The following MAPKBP1 variants were observed in gnomAD, a reference collection of about 807,000 sequenced individuals.
MAPKBP1 encodes the protein mitogen-activated protein kinase binding protein 1, also known as mitogen-activated protein kinase-binding protein 1.
A neutral mutation model predicts 170.5 loss-of-function variants in MAPKBP1; 71 were observed. The ratio of observed to expected loss-of-function variants is 0.42; its 90% confidence interval spans 0.34 to 0.51. The LOEUF (loss-of-function observed/expected upper bound fraction) is 0.51, where lower values mean the gene tolerates loss of function less well. Among genes scored for constraint, MAPKBP1 ranks in the 20% least tolerant of loss-of-function variants. The probability of loss-of-function intolerance (pLI) is 0.06; values close to 1 mark genes in which losing one functional copy is unlikely to be tolerated. For synonymous variants in MAPKBP1, 719 were observed against 757.9 expected, an observed-to-expected ratio of 0.95 and a Z score of 0.84; for missense variants, 1,598 against 1,933.0, an observed-to-expected ratio of 0.83 and a Z score of 3.25.
At chr15:41,821,355 G>A in intron 23 of MAPKBP1, 1 of 610,438 alleles carries the variant, frequency 1.6e-6, no homozygotes, top group Non-Finnish European at 2.9e-6. Context: ...GCAGCCCAGA[G>A]TGCTAATATA....
chr15:41,783,513 T>A (rs778595008), intron 2 of MAPKBP1, among the ~76,000 whole-genome samples: 1 of 152,228 alleles, frequency 6.6e-6, no homozygotes, highest in Non-Finnish European at 1.5e-5. Context: ...GTACCTTGTC[T>A]TGCCTAATCT....
At chr15:41,824,389 T>G (rs1395918096) in intron 29 of MAPKBP1, 95 bp from the exon 30 acceptor site, 66 of 1,190,956 alleles carry the variant, frequency 5.5e-5, no homozygotes, top group Non-Finnish European at 7.4e-5. Flanking sequence ...GGTGCAATGC[T>G]GAGGGCTAGG....
At chr15:41,821,792 C>T in intron 24 of MAPKBP1, 42 bp downstream of exon 24, 1 of 1,611,428 alleles carries the variant, frequency 6.2e-7, no homozygotes, top group Non-Finnish European at 8.5e-7. Context: ...CCCCGTCTTC[C>T]CCTCCCTATG....
chr15:41,822,493 G>A (rs927921239), intron 26 of MAPKBP1, 71 bp downstream of exon 26: 1 of 1,601,048 alleles, frequency 6.2e-7, no homozygotes, highest in Non-Finnish European at 8.5e-7. Flanking sequence ...CTGAGAGGAG[G>A]GTCCCAGGGT....
In MAPKBP1 at chr15:41,821,945, C is replaced by A; in HGVS notation, c.2886-20C>A. 6.2e-7 allele frequency: 1 copy of A among 1,607,466 alleles called. No individual in the cohort carries two copies. The highest frequency in any genetic ancestry group is 1.1e-5 in the South Asian group (1 of 90,054). The stretch of plus-strand genomic sequence containing the variant: ...ACCCCTGCTCACTGCCTTTTCTTCT[C>A]CCTGCTGGAATCCTGACAGTGAGTT... On this transcript the variant is annotated intron_variant, in intron 24 of 30. Coordinates refer to ENST00000457542, the MANE Select transcript of MAPKBP1 (RefSeq NM_014994.3).
At chr15:41,821,878 C>A in intron 24 of MAPKBP1, 87 bp from the exon 25 acceptor site, 1 of 1,571,770 alleles carries the variant, frequency 6.4e-7, no homozygotes. Context: ...TGCCTCATCC[C>A]TCACCCTGAT....
At chr15:41,809,430 C>G (rs1250071619) in intron 3 of MAPKBP1, among the ~76,000 whole-genome samples, 1 of 152,156 alleles carries the variant, frequency 6.6e-6, no homozygotes, top group Admixed American at 6.5e-5. Flanking sequence ...TTTATTGAGC[C>G]CAAGATGCTT....
At chr15:41,801,954 G>GT (rs2064602414) in intron 3 of MAPKBP1, among the ~76,000 whole-genome samples, 2 of 152,290 alleles carry the variant, frequency 1.3e-5, no homozygotes, top group South Asian at 2.1e-4. Context: ...TCATTTGGCA[G>GT]TTTCGTTGTT....
At chr15:41,794,032 C>T (rs1349360387) in intron 2 of MAPKBP1, among the ~76,000 whole-genome samples, 3 of 152,200 alleles carry the variant, frequency 2.0e-5, no homozygotes, top group Non-Finnish European at 2.9e-5. Flanking sequence ...GAGTTTAAGA[C>T]CAGCCTGGGC....
chr15:41,781,736 T>G (rs1475193007), intron 2 of MAPKBP1, among the ~76,000 whole-genome samples: 2 of 152,138 alleles, frequency 1.3e-5, no homozygotes, highest in African/African-American at 4.8e-5. Context: ...ACCATATGGC[T>G]GATTTTTTTT....
In MAPKBP1 at chr15:41,800,742, G is replaced by A. The variant is rs76892376; in HGVS notation, c.206+828G>A. Among the ~76,000 whole-genome samples, 1,071 of 150,872 alleles carry A rather than the reference G, an allele frequency of 7.1e-3. 13 individuals carry two copies. The highest frequency in any genetic ancestry group is 0.025 in the African/African-American group (1,036 of 41,022). On this transcript the variant is annotated intron_variant, in intron 3 of 30. Transcript: ENST00000457542. ...CCTATTCTGGATATTTCATATAAAC[G>A]GAATCAGGTAACACTGTATTTGGCC... is the stretch of plus-strand genomic sequence containing the variant.
intron 2 of MAPKBP1, among the ~76,000 whole-genome samples, chr15:41,793,460 G>A (rs1395775227): frequency 6.6e-6 from 1 of 152,168 alleles, no homozygotes; most frequent in African/African-American, 2.4e-5. Flanking sequence ...GTAACACAGT[G>A]AGACTCCGTC....
At position 41,823,525 on chromosome 15, in the gene MAPKBP1, G is replaced by A. The variant is rs2065037574; in HGVS notation, c.3677G>A (p.Gly1226Asp). 6.2e-7 allele frequency: 1 copy of A among 1,613,988 alleles called. No individual in the cohort carries two copies. Among genetic ancestry groups the A allele is most frequent in the Non-Finnish European group, 8.5e-7 (1 of 1,180,024 alleles). The change falls in exon 29 of 31, where the codon GGC becomes GAC. Residue 1226 changes from glycine to aspartate, a missense_variant. Transcript: ENST00000457542. ...GAGATCGAAGCTCAGGATGGTCTGG[G>A]CTCCCTGCCCCCAGCTGATGGCCGT... Reference protein sequence around the residue: ...SREIEAQDGLGSLPPADGRPS... With the variant: ...SREIEAQDGLDSLPPADGRPS...
chr15:41,821,692 C>G lies in MAPKBP1; in HGVS notation c.2827C>G (p.Pro943Ala). Residue 943 changes from proline to alanine, a missense_variant, in exon 24 of 31, where the codon CCC becomes GCC. By Grantham distance (27) the Pro-to-Ala change is conservative. Transcript: ENST00000457542. Reference protein sequence around the residue: ...GVFAQDLEPAPIEDGIVYPEP... With the variant: ...GVFAQDLEPAAIEDGIVYPEP... ...CTTTGCCCAAGATCTGGAACCTGCA[C>G]CCATTGAAGATGGTATTGTCTACCC... 3 of 1,614,180 alleles carry G rather than the reference C, an allele frequency of 1.9e-6. No individual in the cohort carries two copies. The highest frequency in any genetic ancestry group is 2.5e-6 in the Non-Finnish European group (3 of 1,180,022).
In MAPKBP1 at chr15:41,818,803, A is replaced by C. The variant is rs947225397; in HGVS notation, c.2157-20A>C. The C allele has an allele frequency of 8.1e-6, 13 of 1,611,754 alleles. No homozygotes were observed. The highest frequency in any genetic ancestry group is 7.7e-5 in the South Asian group (7 of 91,064). ...ATTCTACCTGCCCCTCCTTCAGCCA[A>C]CTGTGTGGCTTTACCCCAGCTGCAT... is the stretch of plus-strand genomic sequence containing the variant. On this transcript the variant is annotated intron_variant, in intron 19 of 30. Coordinates refer to ENST00000457542, the MANE Select transcript of MAPKBP1 (RefSeq NM_014994.3). This position sits in a 1 kb window ranked among gnomAD's most constrained non-coding sequence, Gnocchi z 5.2.
At chr15:41,810,215 T>C (rs553838045) in intron 3 of MAPKBP1, among the ~76,000 whole-genome samples, 60 of 152,292 alleles carry the variant, frequency 3.9e-4, no homozygotes, top group African/African-American at 1.3e-3. Context: ...ACATTTCTTC[T>C]TCCCTCCTAC....
intron 2 of MAPKBP1, among the ~76,000 whole-genome samples, chr15:41,788,456 T>C (rs549958346): frequency 6.6e-6 from 1 of 152,270 alleles, no homozygotes; most frequent in South Asian, 2.1e-4. Context: ...AAGCAGTGCA[T>C]GCCATGTGAA....
At chr15:41,803,318 C>T (rs1410257734) in intron 3 of MAPKBP1, among the ~76,000 whole-genome samples, 1 of 147,080 alleles carries the variant, frequency 6.8e-6, no homozygotes, top group Non-Finnish European at 1.5e-5. Context: ...GGAGGCTGAG[C>T]TGGGAGAATC....
At chr15:41,801,040 A>C (rs776492139) in intron 3 of MAPKBP1, among the ~76,000 whole-genome samples, 7 of 152,308 alleles carry the variant, frequency 4.6e-5, no homozygotes, top group Middle Eastern at 3.4e-3. Flanking sequence ...TGGCCAGCAT[A>C]ATGTTTTCAG....
Sources: gnomAD v4.1 joint callset for allele counts (sites outside exome capture counted in the v4.1 genomes callset) on GRCh38, gnomAD v4.1.1 for gene constraint, Gnocchi (gnomAD v3.1) non-coding constraint, MANE v1.5 for transcripts, NCBI Gene and HGNC (gene_info 2026-07-23, HGNC 2026-07-21) for gene names.